The following RBFOX1 variants were observed in gnomAD, a reference collection of about 807,000 sequenced individuals.
RBFOX1 encodes RNA binding fox-1 homolog 1, also known as RNA binding protein fox-1 homolog 1.
RBFOX1 carries 8 observed loss-of-function variants against 57.7 expected under a neutral mutation model. The ratio of observed to expected loss-of-function variants is 0.14; its 90% confidence interval spans 0.08 to 0.25. RBFOX1 has a LOEUF of 0.25. Among genes scored for constraint, RBFOX1 ranks in the 10% least tolerant of loss-of-function variants. RBFOX1 has a pLI of 1.00. For synonymous variants in RBFOX1, 326 were observed against 222.4 expected (o/e 1.47, Z -4.15); for missense variants, 611 against 548.5 (o/e 1.11, Z -1.14).
At position 7,710,773 on chromosome 16, in the gene RBFOX1, G is replaced by A. The variant is rs530467023; in HGVS notation, c.*28G>A. 1.3e-6 allele frequency: 2 copies of A among 1,519,164 alleles called. No homozygotes were observed. Among genetic ancestry groups the A allele is most frequent in the African/African-American group, 1.4e-5 (1 of 70,406 alleles). The allele number at this position is 1,519,164 out of a possible 1,614,324, so 94.1% of individuals were successfully genotyped here. On this transcript the variant is annotated 3_prime_UTR_variant, in exon 16 of 16. Coordinates refer to ENST00000550418, the MANE Select transcript of RBFOX1 (RefSeq NM_018723.4). ...GACAAAACCATAAAAACCTTCCAAT[G>A]TGGGGAGAAAGGAAGCTTTCCGAGG...
At chr16:7,174,524 C>T (rs1182618299) in intron 4 of RBFOX1, among the ~76,000 whole-genome samples, 8 of 152,148 alleles carry the variant, frequency 5.3e-5, no homozygotes, top group Non-Finnish European at 7.3e-5. Flanking sequence ...CTCACACCTG[C>T]AATCCCAGCC....
intron 4 of RBFOX1, among the ~76,000 whole-genome samples, chr16:7,327,166 A>G (rs886576311): frequency 5.9e-5 from 9 of 152,212 alleles, no homozygotes; most frequent in South Asian, 2.1e-4. Context: ...GTCATGGAAC[A>G]TTTGACTTAG....
chr16:7,102,061 C>T (rs1462809064), intron 4 of RBFOX1, among the ~76,000 whole-genome samples: 2 of 152,154 alleles, frequency 1.3e-5, no homozygotes, highest in Non-Finnish European at 2.9e-5. Context: ...GCTGGCCCCA[C>T]CCAGAGGAGG....
At chr16:5,638,481 C>T (rs1366343518) in intron 3 of RBFOX1, among the ~76,000 whole-genome samples, 2 of 152,122 alleles carry the variant, frequency 1.3e-5, no homozygotes, top group African/African-American at 4.8e-5. Context: ...TTACTTTTCC[C>T]TCTGCCTGCA....
chr16:5,954,100 G>A (rs1297466553), intron 4 of RBFOX1, among the ~76,000 whole-genome samples: 1 of 152,180 alleles, frequency 6.6e-6, no homozygotes, highest in African/African-American at 2.4e-5. Flanking sequence ...CCCTGCCATC[G>A]AGAATGACGC....
At position 6,521,515 on chromosome 16, in the gene RBFOX1, G is replaced by A. The variant is rs569389095; in HGVS notation, c.-63-133088G>A. Among the ~76,000 whole-genome samples, 85 of 124,074 alleles carry A rather than the reference G, an allele frequency of 6.9e-4. 1 individual carries two copies. In the South Asian group the frequency reaches 0.02, roughly 29 times the overall value. The allele number at this position is 124,074 out of a possible 152,430, so 81.4% of individuals were successfully genotyped here. A position where few individuals can be genotyped will look rare whatever the true frequency, so the allele number is the denominator to read the frequency against. On this transcript the variant is annotated intron_variant, in intron 2 of 15. Transcript: ENST00000550418. ...CCTCCCGTTTTATCCCCTCCCCTTC[G>A]CTTTTCCCTCCCTCCTTCCTCTCCT...
chr16:6,512,549 A>G (rs1432876850), intron 2 of RBFOX1, among the ~76,000 whole-genome samples: 7 of 152,126 alleles, frequency 4.6e-5, no homozygotes. Context: ...GTTGCTAGAC[A>G]TTACACAAGA....
chr16:5,619,695 T>C (rs1006635887), intron 3 of RBFOX1, among the ~76,000 whole-genome samples: 2 of 152,154 alleles, frequency 1.3e-5, no homozygotes, highest in African/African-American at 4.8e-5. Flanking sequence ...CAGAAACTCT[T>C]GGAGAGGAGG....
chr16:7,371,508 G>A (rs2097565366), intron 4 of RBFOX1, among the ~76,000 whole-genome samples: 1 of 152,176 alleles, frequency 6.6e-6, no homozygotes, highest in African/African-American at 2.4e-5. Context: ...CCAGAACTCT[G>A]GGAGGATGAG....
intron 4 of RBFOX1, among the ~76,000 whole-genome samples, chr16:7,327,910 T>C (rs1004123574): frequency 1.1e-4 from 17 of 152,282 alleles, no homozygotes; most frequent in African/African-American, 4.1e-4. Flanking sequence ...GGTTGCGATG[T>C]TGACCGACAG....
chr16:6,692,901 A>G (rs1460175927), intron 3 of RBFOX1, among the ~76,000 whole-genome samples: 2 of 151,850 alleles, frequency 1.3e-5, no homozygotes, highest in East Asian at 1.9e-4. Context: ...CATCATTATC[A>G]GCATCATCTT....
At chr16:6,661,623 G>C (rs747468263) in intron 3 of RBFOX1, among the ~76,000 whole-genome samples, 1 of 152,154 alleles carries the variant, frequency 6.6e-6, no homozygotes, top group Non-Finnish European at 1.5e-5. Flanking sequence ...TAAGAACTGG[G>C]GTTGGAGCCC....
chr16:5,590,479 T>G (rs1374027253), intron 2 of RBFOX1, among the ~76,000 whole-genome samples: 1 of 152,144 alleles, frequency 6.6e-6, no homozygotes, highest in African/African-American at 2.4e-5. Flanking sequence ...TGGGGGTGGT[T>G]TGATTCAGAA....
At chr16:6,670,917 G>C (rs1165592027) in intron 3 of RBFOX1, among the ~76,000 whole-genome samples, 1 of 152,044 alleles carries the variant, frequency 6.6e-6, no homozygotes, top group East Asian at 1.9e-4. Context: ...GGAGAGAGGC[G>C]TGAACCCAGG....
chr16:7,367,199 C>T (rs578099063), intron 4 of RBFOX1, among the ~76,000 whole-genome samples: 1 of 152,220 alleles, frequency 6.6e-6, no homozygotes, highest in African/African-American at 2.4e-5. Context: ...GGCTGAGGCC[C>T]CCACCCCCAT....
intron 4 of RBFOX1, among the ~76,000 whole-genome samples, chr16:7,416,322 A>G (rs187183960): frequency 1.5e-4 from 23 of 152,314 alleles, no homozygotes; most frequent in African/African-American, 5.1e-4. Flanking sequence ...CGGACAAGTC[A>G]AAGCTTTCTG....
chr16:6,785,000 A>C (rs1277107735), intron 3 of RBFOX1, among the ~76,000 whole-genome samples: 1 of 152,140 alleles, frequency 6.6e-6, no homozygotes. Flanking sequence ...CATGGTTGGC[A>C]TTGACATTGA....
intron 11 of RBFOX1, among the ~76,000 whole-genome samples, chr16:7,630,969 C>G (rs1440023542): frequency 6.6e-6 from 1 of 152,142 alleles, no homozygotes; most frequent in Non-Finnish European, 1.5e-5. Flanking sequence ...CATTGCCTGC[C>G]TTCTATCATA....
chr16:6,597,979 T>C (rs1369143951), intron 2 of RBFOX1, among the ~76,000 whole-genome samples: 1 of 152,200 alleles, frequency 6.6e-6, no homozygotes, highest in Non-Finnish European at 1.5e-5. Context: ...CGGGAGTTGC[T>C]CAGAAAGTCC....
Sources: gnomAD v4.1 joint callset for allele counts (sites outside exome capture counted in the v4.1 genomes callset) on GRCh38, gnomAD v4.1.1 for gene constraint, MANE v1.5 for transcripts, NCBI Gene and HGNC (gene_info 2026-07-23, HGNC 2026-07-21) for gene names.